Variants in ESS2 observed in about 807,000 individuals in gnomAD.
ESS2 encodes ess-2 spliceosome associated protein.
ESS2 carries 31 observed loss-of-function variants against 52.0 expected under a neutral mutation model. The observed-to-expected ratio is 0.60, with a 90% CI of 0.45 to 0.81. The LOEUF (loss-of-function observed/expected upper bound fraction) is 0.81, where lower values mean the gene tolerates loss of function less well. ESS2 is among the 30% of genes least tolerant of loss of function. The pLI is 0.00. For synonymous variants in ESS2, 285 were observed against 259.2 expected (o/e 1.10, Z -0.95); for missense variants, 602 against 637.2 (o/e 0.94, Z 0.59).
rs2083609558 is a variant in ESS2 at position 19,137,788 on chromosome 22, C to T, written c.926-356G>A. On this transcript the variant is annotated intron_variant, in intron 7 of 9. Transcript: ENST00000252137. Reference sequence around the variant, plus strand: ...CCTTCACATGCCCTGGCGTGTGACACAGCACCAGCACCCAAGAGCACAGAG... The same window carrying T: ...CCTTCACATGCCCTGGCGTGTGACATAGCACCAGCACCCAAGAGCACAGAG... 6.1e-6 allele frequency: 6 copies of T among 985,306 alleles called. No individual in the cohort carries two copies. The Admixed American group carries it at 3.1e-4, about 50-fold the overall frequency. 61.0% of individuals were successfully genotyped at this position (985,306 alleles called of 1,614,324 possible).
chr22:19,134,123 G>T lies in ESS2; in HGVS notation c.*73C>A. 7.1e-7 allele frequency: 1 copy of T among 1,416,686 alleles called. No individual in the cohort carries two copies. The highest frequency in any genetic ancestry group is 2.7e-5 in the East Asian group (1 of 37,446). 87.8% of individuals were successfully genotyped at this position (1,416,686 alleles called of 1,614,324 possible). A position where few individuals can be genotyped will look rare whatever the true frequency, so the allele number is the denominator to read the frequency against. On this transcript the variant is annotated 3_prime_UTR_variant, in exon 10 of 10. Transcript: ENST00000252137. ...CCCAGGCCTGGGCCCCGAGAAGGCT[G>T]GAGTCCTCTGCTGGGTGTACAGCTG...
At position 19,142,563 on chromosome 22, in the gene ESS2, C is replaced by T. The variant is rs774272283; in HGVS notation, c.375G>A (p.Arg125=). Residue 125 remains arginine (R), a synonymous_variant, in exon 3 of 10, where the codon AGG becomes AGA. Transcript: ENST00000252137. ...AGTGVVGNKP[R]PRGRGLEDGE... Reference sequence around the variant, plus strand: ...CATCCTCCAGGCCTCGGCCGCGGGGCCTGGGCTTGTTGCCCACCACTCCAG... The same window carrying T: ...CATCCTCCAGGCCTCGGCCGCGGGGTCTGGGCTTGTTGCCCACCACTCCAG... The T allele has an allele frequency of 2.5e-6, 4 of 1,612,010 alleles. No homozygotes were observed. In the African/African-American group the frequency reaches 4.0e-5, roughly 16 times the overall value.
At chr22:19,135,834 C>A (rs1439396277) in intron 8 of ESS2, among the ~76,000 whole-genome samples, 1 of 151,044 alleles carries the variant, frequency 6.6e-6, no homozygotes, top group Non-Finnish European at 1.5e-5. Context: ...TGGAGACCAG[C>A]CTGAGCAAAA....
At chr22:19,142,159 A>G (rs55694607) in intron 3 of ESS2, among the ~76,000 whole-genome samples, 37,180 of 152,156 alleles carry the variant, frequency 0.24, 4,871 homozygotes, top group South Asian at 0.34. Flanking sequence ...AGGAAGAAAC[A>G]CAGTGAGCCA....
At chr22:19,143,889 T>C (rs2083738799) in intron 1 of ESS2, among the ~76,000 whole-genome samples, 1 of 152,202 alleles carries the variant, frequency 6.6e-6, no homozygotes, top group East Asian at 1.9e-4. Flanking sequence ...ACCTTTTTCC[T>C]GAGTAACTTC....
At chr22:19,144,114 G>A in intron 1 of ESS2, 3 of 1,024,814 alleles carry the variant, frequency 2.9e-6, no homozygotes, top group Non-Finnish European at 2.3e-6. Flanking sequence ...GGCGACGCAG[G>A]TCCACTCACT....
chr22:19,131,281 C>A lies in ESS2; in HGVS notation c.*2915G>T. 1.2e-6 allele frequency: 1 copy of A among 828,204 alleles called. No individual in the cohort carries two copies. Among genetic ancestry groups the A allele is most frequent in the Non-Finnish European group, 1.9e-6 (1 of 517,712 alleles). 51.3% of individuals were successfully genotyped at this position (828,204 alleles called of 1,614,324 possible). A position where few individuals can be genotyped will look rare whatever the true frequency, so the allele number is the denominator to read the frequency against. ...AATGCTGAGTGTTCCACCCCTGAGT[C>A]GAAGCCCAGCCCAGGGCAGCCCAGC... On this transcript the variant is annotated 3_prime_UTR_variant, in exon 10 of 10. Coordinates refer to ENST00000252137, the MANE Select transcript of ESS2 (RefSeq NM_022719.3). This position sits in a 1 kb window ranked among gnomAD's most constrained non-coding sequence, Gnocchi z 5.7.
Position 19,133,929 on chromosome 22 carries a change from C to G in ESS2, c.*267G>C. ...GTGGGGAGCAAGATGGAGAGGCAAC[C>G]CCCCAGACTGTACCTAGGTGTTCTT... On this transcript the variant is annotated 3_prime_UTR_variant, in exon 10 of 10. Coordinates refer to ENST00000252137, the MANE Select transcript of ESS2 (RefSeq NM_022719.3). 2 of 365,096 alleles carry G rather than the reference C, an allele frequency of 5.5e-6. No individual in the cohort carries two copies. Among genetic ancestry groups the G allele is most frequent in the Non-Finnish European group, 9.7e-6 (2 of 206,620 alleles). 22.6% of individuals were successfully genotyped at this position (365,096 alleles called of 1,614,324 possible).
At position 19,134,467 on chromosome 22, in the gene ESS2, G is replaced by T; in HGVS notation, c.1160C>A (p.Pro387His). The T allele has an allele frequency of 1.9e-6, 3 of 1,561,900 alleles. No homozygotes were observed. Among genetic ancestry groups the T allele is most frequent in the Admixed American group, 1.8e-5 (1 of 54,870 alleles). Reference sequence around the variant, plus strand: ...CGACATGGCTGGGCTCAGGCCTTTGGGGGTGAGGCTGGGGTGGAGGAATGG... The same window carrying T: ...CGACATGGCTGGGCTCAGGCCTTTGTGGGTGAGGCTGGGGTGGAGGAATGG... ...RVTENLASLT[P>H]KGLSPAMSPA... Residue 387 changes from proline (P) to histidine (H), a missense_variant, in exon 10 of 10, where the codon CCC becomes CAC. Transcript: ENST00000252137.
chr22:19,132,477 C>A lies in ESS2; in HGVS notation c.*1719G>T. 1 of 1,605,238 alleles carries A rather than the reference C, an allele frequency of 6.2e-7. No homozygotes were observed. Among genetic ancestry groups the A allele is most frequent in the South Asian group, 1.1e-5 (1 of 90,002 alleles). On this transcript the variant is annotated 3_prime_UTR_variant, in exon 10 of 10. Coordinates refer to ENST00000252137, the MANE Select transcript of ESS2 (RefSeq NM_022719.3). This position sits in a 1 kb window ranked among gnomAD's most constrained non-coding sequence, Gnocchi z 4.2. ...TGAGGTGGGGAAAGCAAGCACCTAGCATGACAATGGCCCCGTTGTGTGTGG... is the reference window on the plus strand; with the variant it reads ...TGAGGTGGGGAAAGCAAGCACCTAGAATGACAATGGCCCCGTTGTGTGTGG...
rs1369995654 is a variant in ESS2 at position 19,142,603 on chromosome 22, T to G, written c.335A>C (p.Glu112Ala). 6.2e-7 allele frequency: 1 copy of G among 1,613,666 alleles called. No homozygotes were observed. Among genetic ancestry groups the G allele is most frequent in the African/African-American group, 1.3e-5 (1 of 75,016 alleles). ...CACCACTCCAGTGCCTGCATGCACC[T>G]CAGGGGTTTCAAATGTGGCTGGAGT... ...YVTPATFETP[E>A]VHAGTGVVGN... Residue 112 changes from glutamate to alanine, a missense_variant, in exon 3 of 10, where the codon GAG (glutamate) becomes GCG (alanine). Transcript: ENST00000252137.
rs781653916 is a variant in ESS2 at position 19,134,333 on chromosome 22, C to T, written c.1294G>A (p.Ala432Thr). The change falls in exon 10 of 10, where the codon GCC becomes ACC. Residue 432 changes from alanine (A) to threonine (T), a missense_variant. By Grantham distance (58) the Ala-to-Thr change is moderately conservative. Coordinates refer to ENST00000252137, the MANE Select transcript of ESS2 (RefSeq NM_022719.3). The part of the protein sequence containing the change: ...PARSTHLKTP[A>T]SGLQTPTSTP... ...CTTGTGGGGGTCTGCAGCCCACTGG[C>T]CGGGGTCTTGAGGTGGGTGGAGCGT... 3 of 1,611,080 alleles carry T rather than the reference C, an allele frequency of 1.9e-6. No individual in the cohort carries two copies. Among genetic ancestry groups the T allele is most frequent in the Non-Finnish European group, 2.5e-6 (3 of 1,178,682 alleles).
rs747995432 is a variant in ESS2 at position 19,135,127 on chromosome 22, C to G, written c.1084G>C (p.Glu362Gln). ...RERLGLKMAN[E>Q]AAAKNRAKKQ... ...TTGGCCCGGTTCTTGGCAGCGGCCT[C>G]GTTGGCCATCTTCAGACCCAGCCGC... is the stretch of plus-strand genomic sequence containing the variant. The change falls in exon 9 of 10, where the codon GAG (glutamate) becomes CAG (glutamine). Residue 362 changes from glutamate to glutamine, a missense_variant. Coordinates refer to ENST00000252137, the MANE Select transcript of ESS2 (RefSeq NM_022719.3). The G allele has an allele frequency of 2.5e-6, 4 of 1,614,088 alleles. No homozygotes were observed. In the South Asian group the frequency reaches 4.4e-5, roughly 18 times the overall value.
rs2083532129 is a variant in ESS2, at chr22:19,133,692, T to C, written c.*504A>G. On this transcript the variant is annotated 3_prime_UTR_variant, in exon 10 of 10. Transcript: ENST00000252137. The stretch of plus-strand genomic sequence containing the variant: ...AAGGGTACAACTTCCAAGGGCTCCG[T>C]TTCTCCTTCATATCCCCCCAGAGAA... 6.5e-6 allele frequency: 1 copy of C among 153,018 alleles called. No individual in the cohort carries two copies. The highest frequency in any genetic ancestry group is 2.4e-5 in the African/African-American group (1 of 41,416). 9.5% of individuals were successfully genotyped at this position (153,018 alleles called of 1,614,324 possible).
chr22:19,139,039 G>T, intron 6 of ESS2, 120 bp downstream of exon 6: 1 of 1,341,450 alleles, frequency 7.5e-7, no homozygotes, highest in Non-Finnish European at 9.9e-7. Context: ...GCCGCACAGG[G>T]CCCCAGATGG....
At position 19,131,938 on chromosome 22, in the gene ESS2, C is replaced by T. The variant is rs2083512207; in HGVS notation, c.*2258G>A. The stretch of plus-strand genomic sequence containing the variant: ...AGCAAGACCTTCTGCGGGTCGGCAG[C>T]ATATGCAGCCCCCGAGGTGCTGCAG... On this transcript the variant is annotated 3_prime_UTR_variant, in exon 10 of 10. Coordinates refer to ENST00000252137, the MANE Select transcript of ESS2 (RefSeq NM_022719.3). The surrounding 1 kb of genome is among the most constrained non-coding windows in gnomAD (Gnocchi z 5.7). The T allele has an allele frequency of 6.2e-7, 1 of 1,614,148 alleles. No homozygotes were observed. Among genetic ancestry groups the T allele is most frequent in the Non-Finnish European group, 8.5e-7 (1 of 1,180,000 alleles).
At chr22:19,137,525 G>A (rs977477677) in intron 7 of ESS2, 93 bp from the exon 8 acceptor site, 12 of 1,050,320 alleles carry the variant, frequency 1.1e-5, no homozygotes, top group Non-Finnish European at 1.7e-5. Context: ...GTGCATCCCA[G>A]CTAATACGAA....
chr22:19,131,245 C>T lies in ESS2; in HGVS notation c.*2951G>A, dbSNP rs186955431. On this transcript the variant is annotated 3_prime_UTR_variant, in exon 10 of 10. Transcript: ENST00000252137. The surrounding 1 kb of genome is among the most constrained non-coding windows in gnomAD (Gnocchi z 5.7). ...GCTTTATGAGTTCATTGGCTGAAGT[C>T]ACCCGGAGACAATGCTGAGTGTTCC... 78 of 640,442 alleles carry T rather than the reference C, an allele frequency of 1.2e-4. No homozygotes were observed. The highest frequency in any genetic ancestry group is 2.1e-4 in the Non-Finnish European group (75 of 365,468). 39.7% of individuals were successfully genotyped at this position (640,442 alleles called of 1,614,324 possible). A position where few individuals can be genotyped will look rare whatever the true frequency, so the allele number is the denominator to read the frequency against.
At chr22:19,142,970 G>A (rs1177568994) in intron 1 of ESS2, 76 bp from the exon 2 acceptor site, 3 of 1,400,194 alleles carry the variant, frequency 2.1e-6, no homozygotes, top group East Asian at 2.3e-5. Flanking sequence ...ACTTTGGGAG[G>A]CCAAGGGAGG....
Sources: allele counts gnomAD v4.1 joint callset (sites outside exome capture counted in the v4.1 genomes callset), GRCh38; gene constraint gnomAD v4.1.1; non-coding constraint Gnocchi (gnomAD v3.1); transcripts MANE v1.5; gene names NCBI Gene and HGNC (gene_info 2026-07-23, HGNC 2026-07-21).